SCRN3: variants seen among roughly 807,000 people sequenced by gnomAD.
The protein encoded by SCRN3 is secernin-3.
Under a neutral mutation model 43.1 loss-of-function variants are expected in SCRN3, and 39 were observed. The ratio of observed to expected loss-of-function variants is 0.91; its 90% CI spans 0.70 to 1.18. The LOEUF is 1.18. Ranked by LOEUF, SCRN3 falls within the 50% of genes most tolerant of loss-of-function variation. The probability of loss-of-function intolerance (pLI) is 0.00; values close to 1 mark genes in which losing one functional copy is unlikely to be tolerated. For missense variants in SCRN3, 484 were observed against 498.0 expected, an observed-to-expected ratio of 0.97 and a Z score of 0.27; for synonymous variants, 147 against 163.1, an observed-to-expected ratio of 0.90 and a Z score of 0.75.
In SCRN3 at chr2:174,427,911, C is replaced by A; in HGVS notation, c.*16C>A. 2 of 1,500,016 alleles carry A rather than the reference C, an allele frequency of 1.3e-6. No homozygotes were observed. The highest frequency in any genetic ancestry group is 1.8e-6 in the Non-Finnish European group (2 of 1,083,772). The allele number at this position is 1,500,016 out of a possible 1,614,324, so 92.9% of individuals were successfully genotyped here. ...TAGTTCTTAGTGATCATATGGTCAG[C>A]TAATATTAGTTCTTAGTGATCAGTG... is the stretch of plus-strand genomic sequence containing the variant. On this transcript the variant is annotated 3_prime_UTR_variant, in exon 8 of 8. Coordinates refer to ENST00000272732, the MANE Select transcript of SCRN3 (RefSeq NM_024583.5).
chr2:174,415,823 T>G (rs1263488263), intron 5 of SCRN3, among the ~76,000 whole-genome samples: 1 of 152,100 alleles, frequency 6.6e-6, no homozygotes, highest in African/African-American at 2.4e-5. Context: ...TTTTGTATTT[T>G]TTGTAGAGCT....
intron 7 of SCRN3, among the ~76,000 whole-genome samples, chr2:174,427,166 C>T (rs1326606738): frequency 1.3e-5 from 2 of 152,104 alleles, no homozygotes; most frequent in Non-Finnish European, 2.9e-5. Flanking sequence ...TAGATAAGTA[C>T]CTTATAACTG....
Position 174,401,070 on chromosome 2 carries a change from G to C in SCRN3, c.422G>C (p.Gly141Ala). ...VDLLEKYGQG[G>A]NCTEGRMVFS... ...TTACTAGAAAAATATGGCCAGGGTGGAAATTGCACAGAGGGTAGAATGGTA... is the reference window on the plus strand; with the variant it reads ...TTACTAGAAAAATATGGCCAGGGTGCAAATTGCACAGAGGGTAGAATGGTA... Residue 141 changes from glycine (G) to alanine (A), a missense_variant, in exon 4 of 8, where the codon GGA (glycine) becomes GCA (alanine). Gly to Ala is a moderately conservative substitution (Grantham distance 60, BLOSUM62 0). Coordinates refer to ENST00000272732, the MANE Select transcript of SCRN3 (RefSeq NM_024583.5). 1 of 1,613,846 alleles carries C rather than the reference G, an allele frequency of 6.2e-7. No individual in the cohort carries two copies. The highest frequency in any genetic ancestry group is 1.7e-5 in the Admixed American group (1 of 59,916).
At chr2:174,404,399 G>A (rs1685617503) in intron 5 of SCRN3, 84 bp downstream of exon 5, 8 of 850,098 alleles carry the variant, frequency 9.4e-6, no homozygotes, top group South Asian at 4.2e-5. Context: ...TCTGTTTTGG[G>A]GAATTATAAT....
intron 1 of SCRN3, chr2:174,396,266 T>C (rs773733092): frequency 8.1e-6 from 8 of 991,688 alleles, no homozygotes; most frequent in Non-Finnish European, 9.6e-6. Flanking sequence ...TAAATACTTA[T>C]TGAATGACGA....
rs1355614205 is a variant in SCRN3 at position 174,404,258 on chromosome 2, A to C, written c.697A>C (p.Met233Leu). 1.2e-6 allele frequency: 2 copies of C among 1,613,800 alleles called. No homozygotes were observed. Among genetic ancestry groups the C allele is most frequent in the East Asian group, 4.5e-5 (2 of 44,882 alleles). The change falls in exon 5 of 8, where the codon ATG becomes CTG. Residue 233 changes from methionine (M) to leucine (L), a missense_variant. Coordinates refer to ENST00000272732, the MANE Select transcript of SCRN3 (RefSeq NM_024583.5). ...ATATTCCTATCTTGACACAGCCAAG[A>C]TGATGACTTCATCAGGCAGATACTG... ...AAYSYLDTAK[M>L]MTSSGRYCEG...
chr2:174,422,849 A>G (rs373970660), intron 5 of SCRN3, 36 bp from the exon 6 acceptor site: 42 of 1,389,974 alleles, frequency 3.0e-5, no homozygotes, highest in Admixed American at 7.0e-5. Flanking sequence ...CCGTATATGC[A>G]TATGTATTTG....
chr2:174,420,173 A>AT (rs11365944), intron 5 of SCRN3, among the ~76,000 whole-genome samples: 9 of 151,582 alleles, frequency 5.9e-5, no homozygotes, highest in East Asian at 1.9e-4. Context: ...CTAAGCAGAG[A>AT]TTTTTTTTTG....
At chr2:174,400,861 A>G (rs1411318761) in intron 3 of SCRN3, 129 bp from the exon 4 acceptor site, 1 of 754,458 alleles carries the variant, frequency 1.3e-6, no homozygotes, top group Non-Finnish European at 2.1e-6. Flanking sequence ...TTTTAAAGTT[A>G]GATGTCATTT....
chr2:174,396,743 A>T (rs1472970642), intron 1 of SCRN3, among the ~76,000 whole-genome samples: 1 of 151,976 alleles, frequency 6.6e-6, no homozygotes, highest in Non-Finnish European at 1.5e-5. Flanking sequence ...GGTTGCAGTG[A>T]GCCAAGACTG....
At chr2:174,412,060 T>C (rs974011865) in intron 5 of SCRN3, among the ~76,000 whole-genome samples, 11 of 152,034 alleles carry the variant, frequency 7.2e-5, no homozygotes, top group African/African-American at 2.7e-4. Flanking sequence ...ACTAAAAATC[T>C]GGAAAGAATG....
intron 3 of SCRN3, 43 bp from the exon 4 acceptor site, chr2:174,400,947 T>C (rs1685487369): frequency 5.7e-6 from 8 of 1,405,344 alleles, no homozygotes; most frequent in Non-Finnish European, 6.7e-6. Context: ...AAAAAAATAA[T>C]GGAAATTTAT....
chr2:174,396,407 A>T, intron 1 of SCRN3: 1 of 771,052 alleles, frequency 1.3e-6, no homozygotes, highest in Non-Finnish European at 1.6e-6. Flanking sequence ...TTACTATTGC[A>T]GCTTGATGGC....
intron 5 of SCRN3, among the ~76,000 whole-genome samples, chr2:174,419,371 A>T (rs1421566374): frequency 6.6e-6 from 1 of 152,184 alleles, no homozygotes; most frequent in East Asian, 1.9e-4. Flanking sequence ...TGTTGGCAGA[A>T]ACTATGTTTT....
intron 1 of SCRN3, chr2:174,397,348 C>T: frequency 1.0e-6 from 1 of 983,290 alleles, no homozygotes; most frequent in Non-Finnish European, 1.2e-6. Flanking sequence ...AAATAAGGAC[C>T]TTTAGGTGTT....
intron 4 of SCRN3, among the ~76,000 whole-genome samples, chr2:174,401,906 A>G (rs1685520409): frequency 6.6e-6 from 1 of 152,240 alleles, no homozygotes; most frequent in Non-Finnish European, 1.5e-5. Flanking sequence ...GATAAGATAC[A>G]CATGTGAAAA....
chr2:174,419,333 A>G (rs1312218114), intron 5 of SCRN3, among the ~76,000 whole-genome samples: 1 of 152,224 alleles, frequency 6.6e-6, no homozygotes, highest in Non-Finnish European at 1.5e-5. Context: ...ATAATTAAAC[A>G]TTTCCATATA....
At chr2:174,417,071 C>T (rs1014296681) in intron 5 of SCRN3, among the ~76,000 whole-genome samples, 7 of 151,874 alleles carry the variant, frequency 4.6e-5, no homozygotes, top group Admixed American at 1.3e-4. Context: ...CTTTTTCCCC[C>T]ATGTAGATAG....
chr2:174,427,639 T>C, intron 7 of SCRN3, 74 bp from the exon 8 acceptor site: 4 of 858,072 alleles, frequency 4.7e-6, no homozygotes, highest in Non-Finnish European at 5.0e-6. Context: ...ACCTTATTTG[T>C]AGAGATGGGT....
Sources: gnomAD v4.1 joint callset for allele counts (sites outside exome capture counted in the v4.1 genomes callset) on GRCh38, gnomAD v4.1.1 for gene constraint, MANE v1.5 for transcripts, NCBI Gene and HGNC (gene_info 2026-07-23, HGNC 2026-07-21) for gene names.